The following ARHGAP25 variants were observed in gnomAD, a reference collection of about 807,000 sequenced individuals.
ARHGAP25 encodes rho GTPase-activating protein 25.
Under a neutral mutation model 71.0 loss-of-function variants are expected in ARHGAP25, and 34 were observed. That is an observed-to-expected ratio of 0.48 (90% CI 0.36 to 0.64). The LOEUF (loss-of-function observed/expected upper bound fraction) is 0.64. ARHGAP25 is among the 30% of genes least tolerant of loss of function. The pLI is 0.00. For missense variants in ARHGAP25, 706 were observed against 805.1 expected, an observed-to-expected ratio of 0.88 and a Z score of 1.49; for synonymous variants, 282 against 296.5, an observed-to-expected ratio of 0.95 and a Z score of 0.50.
At chr2:68,791,658 T>C (rs61089977) in intron 4 of ARHGAP25, among the ~76,000 whole-genome samples, 7,291 of 152,200 alleles carry the variant, frequency 0.048, 592 homozygotes, top group African/African-American at 0.17. Flanking sequence ...GTAGCCCGTC[T>C]GTACACCCTA....
At chr2:68,756,253 G>C (rs6709874) in intron 1 of ARHGAP25, among the ~76,000 whole-genome samples, 12,607 of 152,262 alleles carry the variant, frequency 0.083, 610 homozygotes, top group African/African-American at 0.11. Context: ...TGTGCTCAAC[G>C]TGCAGGGGCC....
intron 2 of ARHGAP25, among the ~76,000 whole-genome samples, chr2:68,716,490 T>C (rs1265116021): frequency 6.6e-6 from 1 of 152,176 alleles, no homozygotes; most frequent in Non-Finnish European, 1.5e-5. Flanking sequence ...GTCAACTTGA[T>C]GGGGAGGGGC....
intron 1 of ARHGAP25, among the ~76,000 whole-genome samples, chr2:68,759,025 C>T (rs1221858930): frequency 1.3e-5 from 2 of 151,772 alleles, no homozygotes; most frequent in East Asian, 1.9e-4. Flanking sequence ...AGGAAGAAGT[C>T]ACAAAGATGG....
At chr2:68,802,271 G>A (rs1447193354) in intron 4 of ARHGAP25, among the ~76,000 whole-genome samples, 2 of 151,930 alleles carry the variant, frequency 1.3e-5, no homozygotes, top group East Asian at 1.9e-4. Flanking sequence ...ATCCAGGTGT[G>A]GTGGCACGTG....
intron 2 of ARHGAP25, among the ~76,000 whole-genome samples, chr2:68,775,983 G>A (rs1226459185): frequency 1.3e-5 from 2 of 152,200 alleles, no homozygotes; most frequent in African/African-American, 2.4e-5. Flanking sequence ...CAGATGTCAC[G>A]AGTTAAGGGA....
At chr2:68,746,151 T>C (rs1415650705) in intron 1 of ARHGAP25, among the ~76,000 whole-genome samples, 1 of 152,188 alleles carries the variant, frequency 6.6e-6, no homozygotes, top group Non-Finnish European at 1.5e-5. Flanking sequence ...CCCAAAGCTT[T>C]TATGCCTACT....
At chr2:68,748,254 A>T (rs1448458065) in intron 1 of ARHGAP25, among the ~76,000 whole-genome samples, 1 of 152,162 alleles carries the variant, frequency 6.6e-6, no homozygotes, top group African/African-American at 2.4e-5. Flanking sequence ...TGTGCTTCCC[A>T]GATCTTACCA....
intron 3 of ARHGAP25, among the ~76,000 whole-genome samples, chr2:68,785,659 C>T (rs1678707344): frequency 6.6e-6 from 1 of 151,106 alleles, no homozygotes; most frequent in Non-Finnish European, 1.5e-5. Flanking sequence ...GAGGTAAGAA[C>T]AAGATATTAA....
Position 68,741,191 on chromosome 2 carries a change from A to G in ARHGAP25, c.61+5931A>G, listed in dbSNP as rs553237528. 3.3e-5 allele frequency among the ~76,000 whole-genome samples: 5 copies of G among 152,286 alleles called. No individual in the cohort carries two copies. The South Asian group carries it at 1.0e-3, about 32-fold the overall frequency. ...ATAGGGCTCACTGAGTTGTCTTTTAATGTTATATCTTCAGTTTATAGCTTC... is the reference window on the plus strand; with the variant it reads ...ATAGGGCTCACTGAGTTGTCTTTTAGTGTTATATCTTCAGTTTATAGCTTC... On this transcript the variant is annotated intron_variant, in intron 1 of 10. Transcript: ENST00000409202.
rs796100406 is a variant in ARHGAP25, at chr2:68,815,443, C to CTTTTTTT, written c.808-827_808-821dup. Among the ~76,000 whole-genome samples, 32 of 62,326 alleles carry CTTTTTTT rather than the reference C, an allele frequency of 5.1e-4. 2 individuals carry two copies. Among genetic ancestry groups the CTTTTTTT allele is most frequent in the Admixed American group, 8.9e-4 (4 of 4,470 alleles). 40.9% of individuals were successfully genotyped at this position (62,326 alleles called of 152,430 possible). On this transcript the variant is annotated intron_variant, in intron 6 of 10. Coordinates refer to ENST00000409202, the MANE Select transcript of ARHGAP25 (RefSeq NM_001007231.3). Reference sequence around the variant, plus strand: ...CACCGGCATGTGAATTGTGTACTCTCTTTTTTTTTTTTTTTTTTTTTTTTT... The same window carrying CTTTTTTT: ...CACCGGCATGTGAATTGTGTACTCTCTTTTTTTTTTTTTTTTTTTTTTTTTTTTTTTT...
chr2:68,736,733 A>G (rs1483139962), intron 1 of ARHGAP25, among the ~76,000 whole-genome samples: 2 of 152,190 alleles, frequency 1.3e-5, no homozygotes, highest in Admixed American at 1.3e-4. Context: ...GGTCCCATAG[A>G]TAACCTATAT....
chr2:68,767,958 C>G lies in ARHGAP25; in HGVS notation c.62-7263C>G, dbSNP rs1281059725. 6.6e-6 allele frequency among the ~76,000 whole-genome samples: 1 copy of G among 152,192 alleles called. No individual in the cohort carries two copies. Among genetic ancestry groups the G allele is most frequent in the Non-Finnish European group, 1.5e-5 (1 of 68,042 alleles). ...TGAAAGGTGGCATGGTCTCTCCTGT[C>G]CACTTCACTCTGGATTCTTTAACCC... On this transcript the variant is annotated intron_variant, in intron 1 of 10. Coordinates refer to ENST00000409202, the MANE Select transcript of ARHGAP25 (RefSeq NM_001007231.3). This position sits in a 1 kb window ranked among gnomAD's most constrained non-coding sequence, Gnocchi z 4.6.
In ARHGAP25 at chr2:68,817,950, A is replaced by G; in HGVS notation, c.959A>G (p.Asn320Ser). The change falls in exon 8 of 11, where the codon AAT (asparagine) becomes AGT (serine). Residue 320 changes from asparagine (N) to serine (S), a missense_variant. Coordinates refer to ENST00000409202, the MANE Select transcript of ARHGAP25 (RefSeq NM_001007231.3). ...VDNLATVIGV[N>S]LIRSKVEDPA... ...AACCTGGCTACTGTGATTGGTGTGA[A>G]TCTCATCAGGTCGAAGGTCGAAGAC... The G allele has an allele frequency of 6.2e-7, 1 of 1,614,162 alleles. No homozygotes were observed.
chr2:68,795,425 G>T (rs1449673600), intron 4 of ARHGAP25, among the ~76,000 whole-genome samples: 2 of 152,022 alleles, frequency 1.3e-5, no homozygotes, highest in Admixed American at 6.5e-5. Flanking sequence ...ATCCCTCTTT[G>T]CACTGCTTTT....
At chr2:68,714,651 T>A (rs1674569391) in intron 2 of ARHGAP25, among the ~76,000 whole-genome samples, 1 of 152,232 alleles carries the variant, frequency 6.6e-6, no homozygotes, top group Non-Finnish European at 1.5e-5. Context: ...AAACACTACT[T>A]TATCCGTGTC....
chr2:68,730,444 G>T (rs1462238609), upstream of ARHGAP25, among the ~76,000 whole-genome samples: 1 of 152,094 alleles, frequency 6.6e-6, no homozygotes, highest in Non-Finnish European at 1.5e-5. Context: ...AGGAGCTTGA[G>T]ACCAGCCTGG....
chr2:68,809,592 G>A (rs1390402512), intron 5 of ARHGAP25, among the ~76,000 whole-genome samples: 1 of 151,942 alleles, frequency 6.6e-6, no homozygotes, highest in East Asian at 1.9e-4. Flanking sequence ...GGAAAGGGAG[G>A]GTTTTCAGAG....
intron 1 of ARHGAP25, chr2:68,757,853 C>A (rs1676575193): frequency 6.6e-6 from 1 of 152,038 alleles, no homozygotes; most frequent in Non-Finnish European, 1.5e-5. Flanking sequence ...TGGAAGCTAG[C>A]ATTATTGTCA....
chr2:68,816,184 G>T (rs1022898359), intron 6 of ARHGAP25, 105 bp from the exon 7 acceptor site: 2 of 923,006 alleles, frequency 2.2e-6, no homozygotes, highest in Non-Finnish European at 1.8e-6. Context: ...CTGCCAAAGT[G>T]TTGTTTCTGC....
Sources: allele counts gnomAD v4.1 joint callset (sites outside exome capture counted in the v4.1 genomes callset), GRCh38; gene constraint gnomAD v4.1.1; non-coding constraint Gnocchi (gnomAD v3.1); transcripts MANE v1.5; gene names NCBI Gene and HGNC (gene_info 2026-07-23, HGNC 2026-07-21).